SLC28A3: variants seen among roughly 807,000 people sequenced by gnomAD.
The protein encoded by SLC28A3 is concentrative Na(+)-nucleoside cotransporter 3.
SLC28A3 carries 68 observed loss-of-function variants against 84.2 expected under a neutral mutation model. That is an observed-to-expected ratio of 0.81 (90% confidence interval 0.66 to 0.99). The LOEUF (loss-of-function observed/expected upper bound fraction) is 0.99, where lower values mean the gene tolerates loss of function less well. Ranked by LOEUF, SLC28A3 falls within the 50% of genes least tolerant of loss-of-function variation. The pLI is 0.00. For missense variants in SLC28A3, 712 were observed against 841.5 expected (o/e 0.85, Z 1.90); for synonymous variants, 267 against 303.6 (o/e 0.88, Z 1.25).
the SLC28A3 span, among the ~76,000 whole-genome samples, chr9:84,352,427 C>T: frequency 6.6e-6 from 1 of 152,012 alleles, no homozygotes; most frequent in Admixed American, 6.6e-5. Flanking sequence ...TCATGATCCG[C>T]CTGCCTGTGC....
chr9:84,336,001 GT>G (rs1826962347), intron 1 of SLC28A3, among the ~76,000 whole-genome samples: 2 of 151,636 alleles, frequency 1.3e-5, no homozygotes, highest in African/African-American at 4.9e-5. Flanking sequence ...CCCAACGGAT[GT>G]CCCAGCCACA....
At chr9:84,346,599 T>A in the SLC28A3 span, among the ~76,000 whole-genome samples, 1 of 151,962 alleles carries the variant, frequency 6.6e-6, no homozygotes, top group Non-Finnish European at 1.5e-5. Flanking sequence ...TCCTGGGAGG[T>A]TTATAAGGCT....
At chr9:84,298,704 A>G (rs1331047092) in intron 6 of SLC28A3, among the ~76,000 whole-genome samples, 1 of 152,238 alleles carries the variant, frequency 6.6e-6, no homozygotes, top group Non-Finnish European at 1.5e-5. Context: ...CTATCTGGAA[A>G]ATGGAAAGGC....
At chr9:84,325,377 A>G (rs906638588) in intron 1 of SLC28A3, among the ~76,000 whole-genome samples, 2 of 152,162 alleles carry the variant, frequency 1.3e-5, no homozygotes, top group African/African-American at 4.8e-5. Flanking sequence ...TGCTCAATAT[A>G]CTTTGTTGAA....
intron 1 of SLC28A3, among the ~76,000 whole-genome samples, chr9:84,326,381 AAAAAAACAAAAC>A (rs916627314): frequency 6.6e-6 from 1 of 152,130 alleles, no homozygotes; most frequent in African/African-American, 2.4e-5. Context: ...TTATCAAAAG[AAAAAAACAAAAC>A]AAAAAACAAA....
intron 8 of SLC28A3, 109 bp from the exon 9 acceptor site, chr9:84,294,384 AT>A: frequency 1.0e-6 from 1 of 999,698 alleles, no homozygotes. Flanking sequence ...CATCATAAAA[AT>A]ATGGGAAACT....
chr9:84,333,833 T>C (rs1564178772), intron 1 of SLC28A3, among the ~76,000 whole-genome samples: 1 of 152,214 alleles, frequency 6.6e-6, no homozygotes, highest in East Asian at 1.9e-4. Flanking sequence ...ATACTCCCCC[T>C]GGCATGGATA....
At chr9:84,364,872 T>A in the SLC28A3 span, among the ~76,000 whole-genome samples, 3 of 152,248 alleles carry the variant, frequency 2.0e-5, no homozygotes, top group African/African-American at 7.2e-5. Flanking sequence ...TAAGGCTGAA[T>A]AGTATTCCAT....
chr9:84,346,631 G>T, the SLC28A3 span, among the ~76,000 whole-genome samples: 1 of 152,280 alleles, frequency 6.6e-6, no homozygotes, highest in African/African-American at 2.4e-5. Flanking sequence ...ACTGTCAATT[G>T]TTCAGATCAT....
At chr9:84,302,067 A>G (rs1302887718) in intron 5 of SLC28A3, 133 bp downstream of exon 5, 1 of 763,146 alleles carries the variant, frequency 1.3e-6, no homozygotes, top group African/African-American at 1.8e-5. Flanking sequence ...ACATTGTAAC[A>G]GATTACTTCC....
chr9:84,346,723 C>T, the SLC28A3 span, among the ~76,000 whole-genome samples: 1 of 152,158 alleles, frequency 6.6e-6, no homozygotes. Context: ...ACAAAATTCT[C>T]CTTGCAGTTA....
intron 7 of SLC28A3, 113 bp downstream of exon 7, chr9:84,297,793 A>T: frequency 1.2e-6 from 1 of 848,136 alleles, no homozygotes; most frequent in Non-Finnish European, 1.9e-6. Context: ...ATGCAGAATT[A>T]AAATTTGAGA....
At chr9:84,336,338 C>T (rs1468076121) in intron 1 of SLC28A3, among the ~76,000 whole-genome samples, 2 of 52,886 alleles carry the variant, frequency 3.8e-5, no homozygotes, top group East Asian at 1.2e-3. Context: ...CCTGTCTCTA[C>T]TAAAAATACA....
the SLC28A3 span, among the ~76,000 whole-genome samples, chr9:84,351,212 A>G: frequency 6.6e-6 from 1 of 152,324 alleles, no homozygotes; most frequent in African/African-American, 2.4e-5. Flanking sequence ...CTAGGCCTAC[A>G]CAGGGTCAGG....
intron 2 of SLC28A3, among the ~76,000 whole-genome samples, chr9:84,312,910 A>T (rs916634175): frequency 1.3e-5 from 2 of 152,182 alleles, no homozygotes; most frequent in African/African-American, 4.8e-5. Flanking sequence ...AGCCATCTTT[A>T]AATAAACTCC....
In SLC28A3 at chr9:84,340,502, C is replaced by T. The variant is rs554140070; in HGVS notation, c.60+72G>A. The T allele has an allele frequency of 3.2e-4, 484 of 1,530,268 alleles. 3 individuals are homozygous for T. In the South Asian group the frequency reaches 4.5e-3, roughly 14 times the overall value. 94.8% of individuals were successfully genotyped at this position (1,530,268 alleles called of 1,614,324 possible). A position where few individuals can be genotyped will look rare whatever the true frequency, so the allele number is the denominator to read the frequency against. On this transcript the variant is annotated intron_variant, in intron 1 of 17. Transcript: ENST00000376238. Reference sequence around the variant, plus strand: ...ATAATCTCCCTGCTTAGGTAAGAAACTTGCCAAGGGGCTAAGGAAAGGGCA... The same window carrying T: ...ATAATCTCCCTGCTTAGGTAAGAAATTTGCCAAGGGGCTAAGGAAAGGGCA...
At chr9:84,325,325 G>T (rs1826514782) in intron 1 of SLC28A3, among the ~76,000 whole-genome samples, 1 of 151,988 alleles carries the variant, frequency 6.6e-6, no homozygotes, top group Non-Finnish European at 1.5e-5. Context: ...TATATCTTTT[G>T]TGCCCTACCT....
At position 84,310,480 on chromosome 9, in the gene SLC28A3, G is replaced by A. The variant is rs1490134886; in HGVS notation, c.157-766C>T. 7.1e-6 allele frequency: 7 copies of A among 985,318 alleles called. No homozygotes were observed. The South Asian group carries it at 2.3e-4, about 33-fold the overall frequency. 61.0% of individuals were successfully genotyped at this position (985,318 alleles called of 1,614,324 possible). On this transcript the variant is annotated intron_variant, in intron 2 of 17. Transcript: ENST00000376238. ...CTTGTAACCAATGGTACAGAAGCTG[G>A]TGGGGGAGGAAATAGATGGAGGTGG...
chr9:84,343,833 A>G (rs12335574), upstream of SLC28A3, among the ~76,000 whole-genome samples: 53,491 of 152,108 alleles, frequency 0.35, 12,423 homozygotes, highest in African/African-American at 0.65. Flanking sequence ...GCTGATGCCT[A>G]TAATCCCAAC....
Sources: allele counts gnomAD v4.1 joint callset (sites outside exome capture counted in the v4.1 genomes callset), GRCh38; gene constraint gnomAD v4.1.1; transcripts MANE v1.5; gene names NCBI Gene and HGNC (gene_info 2026-07-23, HGNC 2026-07-21).